The following GAB2 variants were observed in gnomAD, a reference collection of about 807,000 sequenced individuals.
The protein encoded by GAB2 is GRB2 associated binding protein 2, also known as GRB2-associated-binding protein 2.
In GAB2, 26 loss-of-function variants were observed where a neutral mutation model predicts 65.5. The observed-to-expected ratio is 0.40, with a 90% CI of 0.29 to 0.55. The LOEUF (loss-of-function observed/expected upper bound fraction) is 0.55. GAB2 is among the 20% of genes least tolerant of loss of function. GAB2 has a pLI of 0.53. For missense variants in GAB2, 884 were observed against 875.8 expected, an observed-to-expected ratio of 1.01 and a Z score of -0.12; for synonymous variants, 321 against 329.6, an observed-to-expected ratio of 0.97 and a Z score of 0.28.
At chr11:78,278,140 G>A (rs1866226694) in intron 2 of GAB2, among the ~76,000 whole-genome samples, 1 of 151,064 alleles carries the variant, frequency 6.6e-6, no homozygotes, top group African/African-American at 2.4e-5. Flanking sequence ...CATGGTCTTG[G>A]CTCACTGCAA....
intron 1 of GAB2, among the ~76,000 whole-genome samples, chr11:78,342,554 G>A (rs1298324657): frequency 6.6e-6 from 1 of 151,998 alleles, no homozygotes; most frequent in Non-Finnish European, 1.5e-5. Context: ...GACTACAGGT[G>A]CCCGCCAGCA....
intron 1 of GAB2, among the ~76,000 whole-genome samples, chr11:78,381,033 C>G (rs916916578): frequency 5.9e-5 from 9 of 152,166 alleles, no homozygotes; most frequent in African/African-American, 2.2e-4. Context: ...GTCAGTGTCT[C>G]CCAGGTGGCC....
rs1226136982 is a variant in GAB2 at position 78,216,715 on chromosome 11, T to A, written c.*2557A>T. 1.3e-5 allele frequency: 2 copies of A among 152,206 alleles called. No individual in the cohort carries two copies. Among genetic ancestry groups the A allele is most frequent in the South Asian group, 4.1e-4 (2 of 4,836 alleles). The allele number at this position is 152,206 out of a possible 1,614,324, so 9.4% of individuals were successfully genotyped here. On this transcript the variant is annotated 3_prime_UTR_variant, in exon 10 of 10. Coordinates refer to ENST00000361507, the MANE Select transcript of GAB2 (RefSeq NM_080491.3). ...CAGGTCCACTCACATCATGGCACAC[T>A]CAGAACATGCTCACATGTTTATGGG...
intron 1 of GAB2, among the ~76,000 whole-genome samples, chr11:78,353,841 G>T (rs1856317180): frequency 6.6e-6 from 1 of 152,168 alleles, no homozygotes; most frequent in Non-Finnish European, 1.5e-5. Flanking sequence ...TAAACATAAG[G>T]TATTTTATAT....
At chr11:78,406,998 G>A (rs563295084) in intron 1 of GAB2, among the ~76,000 whole-genome samples, 138 of 152,222 alleles carry the variant, frequency 9.1e-4, no homozygotes, top group African/African-American at 3.2e-3. Context: ...TGAGGACAGA[G>A]AAATAGAATC....
chr11:78,270,005 G>C (rs927481240), intron 2 of GAB2, among the ~76,000 whole-genome samples: 3 of 152,164 alleles, frequency 2.0e-5, no homozygotes, highest in African/African-American at 7.2e-5. Context: ...TAGCTTGTAG[G>C]TTCCTCTAAG....
At chr11:78,407,921 G>A (rs1476884391) in intron 1 of GAB2, among the ~76,000 whole-genome samples, 7 of 152,160 alleles carry the variant, frequency 4.6e-5, no homozygotes, top group African/African-American at 1.7e-4. Flanking sequence ...AAGAAAAGAA[G>A]TGTCAACTAA....
chr11:78,253,969 T>C (rs1865528158), intron 2 of GAB2, among the ~76,000 whole-genome samples: 2 of 152,190 alleles, frequency 1.3e-5, no homozygotes, highest in Non-Finnish European at 2.9e-5. Context: ...ATGCCCCCTA[T>C]GTTGAATGCT....
At chr11:78,394,005 TGGG>T (rs1371015640) in intron 1 of GAB2, among the ~76,000 whole-genome samples, 1 of 152,202 alleles carries the variant, frequency 6.6e-6, no homozygotes, top group African/African-American at 2.4e-5. Context: ...AGCCATACTA[TGGG>T]CCAGGCGTGG....
intron 1 of GAB2, among the ~76,000 whole-genome samples, chr11:78,340,607 T>C (rs1297564966): frequency 1.4e-5 from 2 of 146,480 alleles, no homozygotes; most frequent in Non-Finnish European, 3.0e-5. Context: ...CTACACTGCT[T>C]ATGTGAAGAG....
chr11:78,285,009 G>A (rs770696999), intron 1 of GAB2, among the ~76,000 whole-genome samples: 1 of 152,110 alleles, frequency 6.6e-6, no homozygotes, highest in African/African-American at 2.4e-5. Flanking sequence ...AGATAGGATG[G>A]AGCTGAGAAA....
chr11:78,231,715 A>G (rs2134482520), intron 3 of GAB2: 1 of 152,256 alleles, frequency 6.6e-6, no homozygotes, highest in Non-Finnish European at 1.5e-5. Flanking sequence ...GTTCTTCCAC[A>G]CATTTTCATA....
At chr11:78,309,694 G>C (rs568650518) in intron 1 of GAB2, among the ~76,000 whole-genome samples, 2 of 152,064 alleles carry the variant, frequency 1.3e-5, no homozygotes, top group Non-Finnish European at 2.9e-5. Context: ...ACTGGTCTCA[G>C]CAGTTCAATC....
chr11:78,326,008 T>TA (rs1409992777), intron 1 of GAB2, among the ~76,000 whole-genome samples: 1 of 152,232 alleles, frequency 6.6e-6, no homozygotes, highest in Non-Finnish European at 1.5e-5. Flanking sequence ...CATCCTATTC[T>TA]GTTTTGTAGA....
At chr11:78,327,578 A>T (rs954816928) in intron 1 of GAB2, among the ~76,000 whole-genome samples, 2 of 152,176 alleles carry the variant, frequency 1.3e-5, no homozygotes, top group Admixed American at 1.3e-4. Context: ...CATACCATTG[A>T]ATGTTTCTAG....
rs1371434255 is a variant in GAB2, at chr11:78,386,590, C to T, written c.75+31056G>A. The stretch of plus-strand genomic sequence containing the variant: ...CCTAAAGGGAGGCCTGTCCTTATGG[C>T]TGATCAGCTACAACCCTATATGCCT... On this transcript the variant is annotated intron_variant, in intron 1 of 9. Transcript: ENST00000361507. Among the ~76,000 whole-genome samples the T allele has an allele frequency of 2.6e-5, 4 of 152,178 alleles. No individual in the cohort carries two copies. The East Asian group carries it at 5.8e-4, about 22-fold the overall frequency.
chr11:78,387,760 T>C (rs1856786664), intron 1 of GAB2, among the ~76,000 whole-genome samples: 1 of 152,198 alleles, frequency 6.6e-6, no homozygotes, highest in Non-Finnish European at 1.5e-5. Context: ...TCCAAAGCTA[T>C]ATTCCTACTA....
chr11:78,238,442 C>G (rs915266728), intron 3 of GAB2, among the ~76,000 whole-genome samples: 2 of 149,330 alleles, frequency 1.3e-5, no homozygotes, highest in Non-Finnish European at 3.0e-5. Context: ...CTGCAGTGAG[C>G]TATGTACTCC....
intron 5 of GAB2, among the ~76,000 whole-genome samples, chr11:78,224,372 A>G (rs1365162652): frequency 6.6e-6 from 1 of 152,044 alleles, no homozygotes; most frequent in African/African-American, 2.4e-5. Flanking sequence ...AACAAGGAGC[A>G]TATTAGGAGT....
Sources: allele counts gnomAD v4.1 joint callset (sites outside exome capture counted in the v4.1 genomes callset), GRCh38; gene constraint gnomAD v4.1.1; transcripts MANE v1.5; gene names NCBI Gene and HGNC (gene_info 2026-07-23, HGNC 2026-07-21).